SRRM3: variants seen among roughly 807,000 people sequenced by gnomAD.
SRRM3 encodes serine/arginine repetitive matrix 3.
A neutral mutation model predicts 66.2 loss-of-function variants in SRRM3; 27 were observed. That is an observed-to-expected ratio of 0.41 (90% CI 0.30 to 0.56). The LOEUF (loss-of-function observed/expected upper bound fraction) is 0.56. Among genes scored for constraint, SRRM3 ranks in the 20% least tolerant of loss-of-function variants. The probability of loss-of-function intolerance (pLI) is 0.32; values close to 1 mark genes in which losing one functional copy is unlikely to be tolerated. For missense variants in SRRM3, 918 were observed against 991.9 expected (o/e 0.93, Z 1.00); for synonymous variants, 391 against 414.9 (o/e 0.94, Z 0.70).
chr7:76,285,504 G>A lies in SRRM3; in HGVS notation c.1734-111G>A, dbSNP rs1554612604. On this transcript the variant is annotated intron_variant, in intron 14 of 14. Transcript: ENST00000611745. This position sits in a 1 kb window ranked among gnomAD's most constrained non-coding sequence, Gnocchi z 4.1. ...CGTCAGATTCCATTTGGAGAAGGCA[G>A]GTGTCTCTAAGGCCAGGGCTCAGGG... is the stretch of plus-strand genomic sequence containing the variant. The A allele has an allele frequency of 1.3e-6, 1 of 781,100 alleles. No homozygotes were observed. 48.4% of individuals were successfully genotyped at this position (781,100 alleles called of 1,614,324 possible). A position where few individuals can be genotyped will look rare whatever the true frequency, so the allele number is the denominator to read the frequency against.
intron 1 of SRRM3, among the ~76,000 whole-genome samples, chr7:76,210,854 G>T (rs1273382368): frequency 6.6e-6 from 1 of 151,986 alleles, no homozygotes. Flanking sequence ...CCAGGCTGGA[G>T]TGCAGTGGGG....
chr7:76,229,326 T>C (rs1451404012), intron 1 of SRRM3, among the ~76,000 whole-genome samples: 1 of 152,206 alleles, frequency 6.6e-6, no homozygotes, highest in African/African-American at 2.4e-5. Context: ...GTTCCAAATA[T>C]AAAATTCAAA....
chr7:76,272,363 T>C (rs1167224183), intron 11 of SRRM3, among the ~76,000 whole-genome samples: 1 of 151,648 alleles, frequency 6.6e-6, no homozygotes, highest in East Asian at 1.9e-4. Context: ...GAGTTTGAAA[T>C]CAGCCTGGGC....
chr7:76,282,769 T>A lies in SRRM3; in HGVS notation c.1492T>A (p.Ser498Thr), dbSNP rs1284988022. The A allele has an allele frequency of 2.7e-6, 4 of 1,464,888 alleles. No individual in the cohort carries two copies. In the East Asian group the frequency reaches 1.2e-4, roughly 45 times the overall value. The allele number at this position is 1,464,888 out of a possible 1,614,324, so 90.7% of individuals were successfully genotyped here. Residue 498 changes from serine to threonine, a missense_variant, in exon 13 of 15, where the codon TCC (serine) becomes ACC (threonine). Physicochemically the swap from Ser to Thr is moderately conservative, Grantham distance 58 (BLOSUM62 1). Transcript: ENST00000611745. ...GCGCAGCCCCGGCCCGCACCCCCGC[T>A]CCTGGAGCTCCAGCCGCTCGCCCTC... ...SSRSPGPHPR[S>T]WSSSRSPSKS... is the part of the protein sequence containing the mutation.
Position 76,285,544 on chromosome 7 carries a change from A to C in SRRM3, c.1734-71A>C. Reference sequence around the variant, plus strand: ...AGGGCTCAGGGGAAACTGAGGCAGGAAGCCCTGGCCGCTGCTGGGATGGGG... The same window carrying C: ...AGGGCTCAGGGGAAACTGAGGCAGGCAGCCCTGGCCGCTGCTGGGATGGGG... On this transcript the variant is annotated intron_variant, in intron 14 of 14. Transcript: ENST00000611745. The surrounding 1 kb of genome is among the most constrained non-coding windows in gnomAD (Gnocchi z 4.1). The C allele has an allele frequency of 7.7e-7, 1 of 1,296,088 alleles. No individual in the cohort carries two copies. The highest frequency in any genetic ancestry group is 1.4e-5 in the South Asian group (1 of 71,062). The allele number at this position is 1,296,088 out of a possible 1,614,324, so 80.3% of individuals were successfully genotyped here.
At chr7:76,235,352 G>T in intron 2 of SRRM3, 53 bp downstream of exon 2, 1 of 1,406,450 alleles carries the variant, frequency 7.1e-7, no homozygotes, top group Non-Finnish European at 9.4e-7. Flanking sequence ...GGGCGAGGGT[G>T]GGAGAAGCGA....
chr7:76,205,976 C>T (rs1800292096), intron 1 of SRRM3, among the ~76,000 whole-genome samples: 1 of 151,702 alleles, frequency 6.6e-6, no homozygotes, highest in Admixed American at 6.6e-5. Flanking sequence ...CTGACAGGGC[C>T]TTCGTGGGTG....
At chr7:76,265,753 T>C (rs1397299905) in intron 10 of SRRM3, among the ~76,000 whole-genome samples, 1 of 139,652 alleles carries the variant, frequency 7.2e-6, no homozygotes, top group African/African-American at 2.7e-5. Context: ...TTTTATTATA[T>C]ATAATTATAT....
chr7:76,259,814 A>T, intron 3 of SRRM3, 92 bp from the exon 4 acceptor site: 1 of 1,575,520 alleles, frequency 6.3e-7, no homozygotes, highest in Non-Finnish European at 8.6e-7. Flanking sequence ...CAGCCCGCAG[A>T]CTTGCGGGGC....
At chr7:76,266,272 AATTATATTAT>A (rs1166855749) in intron 10 of SRRM3, among the ~76,000 whole-genome samples, 47 of 116,172 alleles carry the variant, frequency 4.0e-4, no homozygotes, top group African/African-American at 1.5e-3. Context: ...ATTTATATTT[AATTATATTAT>A]ATATTTATAT....
intron 2 of SRRM3, among the ~76,000 whole-genome samples, chr7:76,237,620 C>T (rs1801183322): frequency 6.6e-6 from 1 of 152,004 alleles, no homozygotes; most frequent in African/African-American, 2.4e-5. Context: ...GCAAATTCTG[C>T]GAAATTCTGT....
At chr7:76,236,640 G>C (rs150956709) in intron 2 of SRRM3, among the ~76,000 whole-genome samples, 22 of 152,366 alleles carry the variant, frequency 1.4e-4, no homozygotes, top group African/African-American at 4.8e-4. Context: ...CCGGAAGGCG[G>C]GGGGCCAAGG....
chr7:76,231,238 T>A (rs1447330772), intron 1 of SRRM3, among the ~76,000 whole-genome samples: 1 of 152,132 alleles, frequency 6.6e-6, no homozygotes, highest in Non-Finnish European at 1.5e-5. Flanking sequence ...CCTCTCCAAC[T>A]CACCAGGTGA....
chr7:76,224,363 A>G (rs1050567141), intron 1 of SRRM3, among the ~76,000 whole-genome samples: 26 of 151,554 alleles, frequency 1.7e-4, no homozygotes, highest in African/African-American at 6.3e-4. Flanking sequence ...TACAGGCATG[A>G]GCCACCGCGC....
intron 11 of SRRM3, among the ~76,000 whole-genome samples, chr7:76,281,203 CTCT>C (rs1257152437): frequency 6.6e-6 from 1 of 151,114 alleles, no homozygotes; most frequent in African/African-American, 2.4e-5. Flanking sequence ...TCTCCTGTCT[CTCT>C]TCATTCTCTC....
chr7:76,211,424 G>GC (rs1457077915), intron 1 of SRRM3, among the ~76,000 whole-genome samples: 1 of 151,756 alleles, frequency 6.6e-6, no homozygotes, highest in South Asian at 2.1e-4. Context: ...GGGGGGCGGG[G>GC]GGGGAATTAT....
intron 11 of SRRM3, among the ~76,000 whole-genome samples, chr7:76,277,759 G>GAA (rs1554611351): frequency 3.0e-3 from 106 of 35,562 alleles, no homozygotes; most frequent in African/African-American, 0.016. Context: ...AGAAAGAAAA[G>GAA]AAAAAGAAGA....
chr7:76,243,675 C>T (rs74441475), intron 2 of SRRM3, among the ~76,000 whole-genome samples: 1 of 152,208 alleles, frequency 6.6e-6, no homozygotes, highest in African/African-American at 2.4e-5. Flanking sequence ...GCCAGCCCCC[C>T]ACAAGCAGCT....
At chr7:76,234,383 C>T (rs1350942312) in intron 1 of SRRM3, among the ~76,000 whole-genome samples, 2 of 152,142 alleles carry the variant, frequency 1.3e-5, no homozygotes, top group Non-Finnish European at 2.9e-5. Flanking sequence ...GTTTCCAGAA[C>T]AAAGGAGGGG....
Sources: gnomAD v4.1 joint callset for allele counts (sites outside exome capture counted in the v4.1 genomes callset) on GRCh38, gnomAD v4.1.1 for gene constraint, Gnocchi (gnomAD v3.1) non-coding constraint, MANE v1.5 for transcripts, NCBI Gene and HGNC (gene_info 2026-07-23, HGNC 2026-07-21) for gene names.